Variants in STAG3 observed in about 807,000 individuals in gnomAD.
STAG3 encodes STAG3 cohesin complex component.
STAG3 carries 101 observed loss-of-function variants against 160.7 expected under a neutral mutation model. The observed-to-expected ratio is 0.63, with a 90% CI of 0.54 to 0.74. STAG3 has a LOEUF of 0.74. Among genes scored for constraint, STAG3 ranks in the 30% least tolerant of loss-of-function variants. The probability of loss-of-function intolerance (pLI) is 0.00; values close to 1 mark genes in which losing one functional copy is unlikely to be tolerated. For missense variants in STAG3, 1,188 were observed against 1,517.4 expected, an observed-to-expected ratio of 0.78 and a Z score of 3.61; for synonymous variants, 519 against 585.0, an observed-to-expected ratio of 0.89 and a Z score of 1.63.
intron 9 of STAG3, among the ~76,000 whole-genome samples, chr7:100,196,768 G>C (rs1562978953): frequency 6.6e-6 from 1 of 152,050 alleles, no homozygotes; most frequent in Non-Finnish European, 1.5e-5. Context: ...TCCAGCCTGG[G>C]CAACAGGTGG....
At chr7:100,210,243 C>T (rs1263384504) in intron 29 of STAG3, among the ~76,000 whole-genome samples, 2 of 152,190 alleles carry the variant, frequency 1.3e-5, no homozygotes, top group Non-Finnish European at 2.9e-5. Context: ...TGCTTAAACC[C>T]ATAGGCTGAG....
intron 16 of STAG3, 171 bp from the exon 17 acceptor site, chr7:100,200,065 C>CA (rs59199513): frequency 0.1 from 36,952 of 370,494 alleles, 9 homozygotes; most frequent in East Asian, 0.13. Context: ...GACTCCGTCT[C>CA]AAAAAAAAAA....
chr7:100,193,178 A>T, intron 8 of STAG3, among the ~76,000 whole-genome samples: 1 of 152,184 alleles, frequency 6.6e-6, no homozygotes, highest in East Asian at 1.9e-4. Context: ...TGCTTAAAAT[A>T]TTCAGGAAAC....
intron 14 of STAG3, 34 bp from the exon 15 acceptor site, chr7:100,199,228 C>G (rs1201625794): frequency 7.1e-7 from 1 of 1,407,584 alleles, no homozygotes; most frequent in Non-Finnish European, 1.0e-6. Flanking sequence ...TTTTAACATG[C>G]TATCATTAAC....
At chr7:100,186,350 A>G in intron 5 of STAG3, 54 bp downstream of exon 5, 1 of 1,458,422 alleles carries the variant, frequency 6.9e-7, no homozygotes, top group Non-Finnish European at 9.6e-7. Context: ...CTATGTTATG[A>G]AATTCTTTCT....
chr7:100,200,905 C>T lies in STAG3; in HGVS notation c.1997C>T (p.Ala666Val). Residue 666 changes from alanine (A) to valine (V), a missense_variant, in exon 19 of 34, where the codon GCC becomes GTC. Physicochemically the swap from Ala to Val is moderately conservative, Grantham distance 64. This residue lies in a region of STAG3 where 647 missense variants were observed against 717.2 expected (regional missense o/e 0.90). Coordinates refer to ENST00000615138, the MANE Select transcript of STAG3 (RefSeq NM_001282717.2). ...ACTTTCTTCAGCCGGGCGGACTTTG[C>T]CCGCAGCCAGCTAGTAGATTTGCTG... ...EFTFFSRADFARSQLVDLLTD... is the reference protein window; with the variant it reads ...EFTFFSRADFVRSQLVDLLTD... 1 of 1,614,236 alleles carries T rather than the reference C, an allele frequency of 6.2e-7. No individual in the cohort carries two copies. Among genetic ancestry groups the T allele is most frequent in the Non-Finnish European group, 8.5e-7 (1 of 1,180,050 alleles).
In STAG3 at chr7:100,204,610, A is replaced by G. The variant is rs767488957; in HGVS notation, c.2803-17A>G. On this transcript the variant is annotated splice_polypyrimidine_tract_variant and intron_variant, in intron 26 of 33. Transcript: ENST00000615138. ...TGTTCCTCCCTTTCCCACATGCACC[A>G]TGTCTCCTGGACACAGCTGTACACA... 1.2e-6 allele frequency: 2 copies of G among 1,609,590 alleles called. No homozygotes were observed. Among genetic ancestry groups the G allele is most frequent in the South Asian group, 2.2e-5 (2 of 90,972 alleles).
Position 100,201,249 on chromosome 7 carries a change from C to T in STAG3, c.2133-15C>T. The T allele has an allele frequency of 6.2e-7, 1 of 1,614,102 alleles. No homozygotes were observed. Among genetic ancestry groups the T allele is most frequent in the Non-Finnish European group, 8.5e-7 (1 of 1,179,980 alleles). On this transcript the variant is annotated splice_polypyrimidine_tract_variant and intron_variant, in intron 20 of 33. Coordinates refer to ENST00000615138, the MANE Select transcript of STAG3 (RefSeq NM_001282717.2). ...TGTTCTTTTCCAGTATAACATTCCC[C>T]TTTCTCCCCCAAAGCACTCATGACC...
At chr7:100,180,098 C>CTGGA (rs2117037969) in intron 1 of STAG3, among the ~76,000 whole-genome samples, 1 of 151,988 alleles carries the variant, frequency 6.6e-6, no homozygotes, top group Non-Finnish European at 1.5e-5. Flanking sequence ...GTCACCCAAG[C>CTGGA]TGGATGGAGT....
rs1408210298 is a variant in STAG3 at position 100,202,291 on chromosome 7, C to T, written c.2514C>T (p.Ala838=). 3.9e-5 allele frequency: 63 copies of T among 1,614,010 alleles called. No individual in the cohort carries two copies. The highest frequency in any genetic ancestry group is 5.3e-5 in the Non-Finnish European group (63 of 1,180,040). ...AAGCTACTCTCCAGTCTGAGCTAGC[C>T]AGCTTCCTCATGGACCACGTCTTCA... ...FPEATLQSEL[A]SFLMDHVFIQ... The change falls in exon 24 of 34, where the codon GCC becomes GCT. Residue 838 remains alanine, a synonymous_variant. Coordinates refer to ENST00000615138, the MANE Select transcript of STAG3 (RefSeq NM_001282717.2).
intron 2 of STAG3, chr7:100,180,962 C>T (rs1799612051): frequency 3.9e-6 from 1 of 259,446 alleles, no homozygotes; most frequent in African/African-American, 2.3e-5. Context: ...TTACTGCAAC[C>T]TCCGCCTCCT....
At chr7:100,213,201 C>A in intron 32 of STAG3, 1 of 574,376 alleles carries the variant, frequency 1.7e-6, no homozygotes, top group Non-Finnish European at 2.2e-6. Context: ...TCCATGAGGG[C>A]TGCACCCCTA....
intron 5 of STAG3, among the ~76,000 whole-genome samples, chr7:100,187,126 G>T (rs1489351797): frequency 6.6e-6 from 1 of 152,048 alleles, no homozygotes; most frequent in East Asian, 1.9e-4. Flanking sequence ...CTACATCCTG[G>T]ATTTAAGCGA....
rs754354994 is a variant in STAG3, at chr7:100,182,192, G to A, written c.219G>A (p.Pro73=). The change falls in exon 3 of 34, where the codon CCG becomes CCA. Residue 73 remains proline, a splice_region_variant and synonymous_variant. Coordinates refer to ENST00000615138, the MANE Select transcript of STAG3 (RefSeq NM_001282717.2). ...CAAAACGACCACCGAAAACAACACC[G>A]GTGAGTCAGCCAGTTTTCTTTTGTT... The part of the protein sequence containing the change: ...RAAKRPPKTT[P]VAKHPKKGSR... The A allele has an allele frequency of 1.4e-5, 22 of 1,607,766 alleles. No homozygotes were observed. The highest frequency in any genetic ancestry group is 2.2e-5 in the East Asian group (1 of 44,810).
intron 16 of STAG3, 73 bp downstream of exon 16, chr7:100,199,717 A>C (rs1362417164): frequency 1.6e-6 from 2 of 1,225,900 alleles, no homozygotes; most frequent in Admixed American, 2.7e-5. Context: ...CTTATCCCCC[A>C]GGCTGGGGTT....
At chr7:100,187,871 C>T (rs1324720989) in intron 5 of STAG3, among the ~76,000 whole-genome samples, 1 of 151,794 alleles carries the variant, frequency 6.6e-6, no homozygotes, top group Non-Finnish European at 1.5e-5. Context: ...ATTCTCCTGC[C>T]TCAGCCTCCC....
chr7:100,202,068 C>T, intron 23 of STAG3, 27 bp downstream of exon 23: 1 of 1,613,362 alleles, frequency 6.2e-7, no homozygotes, highest in Non-Finnish European at 8.5e-7. Flanking sequence ...GTGGGAGCAA[C>T]AAGGCGAGTA....
rs751664467 is a variant in STAG3 at position 100,201,962 on chromosome 7, G to A, written c.2315G>A (p.Ser772Asn). 11 of 1,614,184 alleles carry A rather than the reference G, an allele frequency of 6.8e-6. No homozygotes were observed. The highest frequency in any genetic ancestry group is 6.8e-6 in the Non-Finnish European group (8 of 1,180,034). Reference protein sequence around the residue: ...KSDASQKQLSSLRDRMVAFCE... With the variant: ...KSDASQKQLSNLRDRMVAFCE... ...CTGTGCCCACAGAAGCAGCTGTCGA[G>A]TTTGAGGGACAGAATGGTGGCCTTC... The change falls in exon 23 of 34, where the codon AGT (serine) becomes AAT (asparagine). Residue 772 changes from serine to asparagine, a missense_variant. Around this residue, in one of 4 missense-constraint regions of STAG3, gnomAD observed 647 missense variants for 717.2 expected, o/e 0.90. Transcript: ENST00000615138.
Position 100,180,472 on chromosome 7 carries a change from T to C in STAG3, c.-64-21T>C, listed in dbSNP as rs1799572611. Reference sequence around the variant, plus strand: ...TGGAGAAGTGCTGTGGTAGGAGCCCTTTCTTCTCTTTCTTCCCCAGCTGGA... The same window carrying C: ...TGGAGAAGTGCTGTGGTAGGAGCCCCTTCTTCTCTTTCTTCCCCAGCTGGA... On this transcript the variant is annotated intron_variant, in intron 1 of 33. Coordinates refer to ENST00000615138, the MANE Select transcript of STAG3 (RefSeq NM_001282717.2). 8.8e-6 allele frequency: 7 copies of C among 798,952 alleles called. No homozygotes were observed. The South Asian group carries it at 1.0e-4, about 11-fold the overall frequency. The allele number at this position is 798,952 out of a possible 1,614,324, so 49.5% of individuals were successfully genotyped here.
Sources: gnomAD v4.1 joint callset for allele counts (sites outside exome capture counted in the v4.1 genomes callset) on GRCh38, gnomAD v4.1.1 for gene constraint, gnomAD v4.1.1 regional missense constraint, MANE v1.5 for transcripts, NCBI Gene and HGNC (gene_info 2026-07-23, HGNC 2026-07-21) for gene names.